The following THUMPD3 variants were observed in gnomAD, a reference collection of about 807,000 sequenced individuals.
THUMPD3 encodes tRNA (guanine(6)-N(2))-methyltransferase THUMP3.
Under a neutral mutation model 54.5 loss-of-function variants are expected in THUMPD3, and 44 were observed. That is an observed-to-expected ratio of 0.81 (90% CI 0.63 to 1.04). The LOEUF (loss-of-function observed/expected upper bound fraction) is 1.04, where lower values mean the gene tolerates loss of function less well. Among genes scored for constraint, THUMPD3 ranks in the 50% least tolerant of loss-of-function variants. The probability of loss-of-function intolerance (pLI) is 0.00; values close to 1 mark genes in which losing one functional copy is unlikely to be tolerated. For synonymous variants in THUMPD3, 196 were observed against 201.4 expected, an observed-to-expected ratio of 0.97 and a Z score of 0.23; for missense variants, 604 against 601.3, an observed-to-expected ratio of 1.00 and a Z score of -0.05.
intron 3 of THUMPD3, among the ~76,000 whole-genome samples, chr3:9,370,050 T>C (rs1327115027): frequency 6.6e-6 from 1 of 152,232 alleles, no homozygotes; most frequent in East Asian, 1.9e-4. Flanking sequence ...AATTGGCATA[T>C]TTATACTTTT....
At chr3:9,367,509 G>A (rs1357055682) in intron 3 of THUMPD3, among the ~76,000 whole-genome samples, 1 of 152,302 alleles carries the variant, frequency 6.6e-6, no homozygotes, top group East Asian at 1.9e-4. Context: ...TAAGCTGAAG[G>A]TTGAAAATAG....
At chr3:9,375,152 C>T (rs1388074606) in intron 5 of THUMPD3, among the ~76,000 whole-genome samples, 3 of 152,152 alleles carry the variant, frequency 2.0e-5, no homozygotes, top group Non-Finnish European at 1.5e-5. Context: ...CCACCGCGCC[C>T]GGTTTTCTTG....
chr3:9,372,434 G>A (rs6443236), intron 4 of THUMPD3, among the ~76,000 whole-genome samples: 3,155 of 151,982 alleles, frequency 0.021, 115 homozygotes, highest in African/African-American at 0.07. Flanking sequence ...ACAAAAATTG[G>A]CCCGTCATGA....
intron 6 of THUMPD3, among the ~76,000 whole-genome samples, chr3:9,378,233 G>A (rs564767389): frequency 1.3e-5 from 2 of 152,196 alleles, no homozygotes; most frequent in African/African-American, 2.4e-5. Context: ...CTGGAGGAAG[G>A]CAATTTTCTT....
Position 9,365,250 on chromosome 3 carries a change from G to A in THUMPD3, c.182G>A (p.Gly61Glu). The A allele has an allele frequency of 1.9e-6, 3 of 1,614,106 alleles. No individual in the cohort carries two copies. Among genetic ancestry groups the A allele is most frequent in the Non-Finnish European group, 2.5e-6 (3 of 1,180,034 alleles). The change falls in exon 2 of 10, where the codon GGG becomes GAG. Residue 61 changes from glycine (G) to glutamate (E), a missense_variant. Transcript: ENST00000452837. ...GCAGATGAAGTCAGAGAGAAACTTG[G>A]GTCATCATGCAAAATCAGCAGAGAC... ...TAADEVREKL[G>E]SSCKISRDRG... is the part of the protein sequence containing the mutation.
At chr3:9,382,916 G>C in intron 7 of THUMPD3, 1 of 250,728 alleles carries the variant, frequency 4.0e-6, no homozygotes, top group Non-Finnish European at 7.9e-6. Flanking sequence ...GTATTTTAGA[G>C]ACAAGGTCTC....
chr3:9,369,432 T>C (rs1242616268), intron 3 of THUMPD3, among the ~76,000 whole-genome samples: 4 of 152,120 alleles, frequency 2.6e-5, no homozygotes, highest in African/African-American at 4.8e-5. Context: ...TAATTTTATA[T>C]GATTTTTAAA....
intron 5 of THUMPD3, 81 bp from the exon 6 acceptor site, chr3:9,377,738 A>G (rs2032574563): frequency 2.6e-6 from 3 of 1,142,612 alleles, no homozygotes; most frequent in Non-Finnish European, 2.6e-6. Flanking sequence ...TAGGTCCTCA[A>G]TCTTAAAGCT....
rs751369533 is a variant in THUMPD3 at position 9,384,486 on chromosome 3, T to C, written c.1360-38T>C. The C allele has an allele frequency of 1.2e-5, 19 of 1,612,154 alleles. No individual in the cohort carries two copies. The Admixed American group carries it at 2.7e-4, about 23-fold the overall frequency. ...GAATCCTAGTTGATGTAAAAGTAGATTGTCAACCTAATTGTTATTTTTTTT... is the reference window on the plus strand; with the variant it reads ...GAATCCTAGTTGATGTAAAAGTAGACTGTCAACCTAATTGTTATTTTTTTT... On this transcript the variant is annotated intron_variant, in intron 9 of 9. Transcript: ENST00000452837.
At chr3:9,368,101 T>C (rs1257900328) in intron 3 of THUMPD3, among the ~76,000 whole-genome samples, 1 of 152,000 alleles carries the variant, frequency 6.6e-6, no homozygotes, top group Non-Finnish European at 1.5e-5. Context: ...ATAAAAATTG[T>C]ATTAAGTAAA....
chr3:9,364,427 A>G (rs1000985847), intron 1 of THUMPD3, among the ~76,000 whole-genome samples: 1 of 151,582 alleles, frequency 6.6e-6, no homozygotes, highest in Admixed American at 6.6e-5. Flanking sequence ...GCTCACTGCA[A>G]TCTCCACCTC....
chr3:9,378,229 G>A (rs1452992764), intron 6 of THUMPD3, among the ~76,000 whole-genome samples: 1 of 152,218 alleles, frequency 6.6e-6, no homozygotes, highest in Non-Finnish European at 1.5e-5. Flanking sequence ...TAAACTGGAG[G>A]AAGGCAATTT....
At chr3:9,377,066 GAAGGA>G (rs944829491) in intron 5 of THUMPD3, among the ~76,000 whole-genome samples, 3 of 152,006 alleles carry the variant, frequency 2.0e-5, no homozygotes, top group Admixed American at 2.0e-4. Flanking sequence ...TTTAAATTCA[GAAGGA>G]AAGGAATACT....
chr3:9,365,447 A>T (rs2031478344), intron 2 of THUMPD3, 127 bp downstream of exon 2: 1 of 1,193,260 alleles, frequency 8.4e-7, no homozygotes, highest in Non-Finnish European at 1.2e-6. Context: ...GTGATTTTAA[A>T]GTTACTGCAT....
chr3:9,370,233 C>T (rs1245901367), intron 3 of THUMPD3, among the ~76,000 whole-genome samples: 1 of 152,180 alleles, frequency 6.6e-6, no homozygotes, highest in Non-Finnish European at 1.5e-5. Context: ...GCTTTATAAT[C>T]ACAATCCCTA....
rs1372629161 is a variant in THUMPD3 at position 9,384,885 on chromosome 3, A to C, written c.*197A>C. The C allele has an allele frequency of 5.0e-6, 3 of 604,754 alleles. No individual in the cohort carries two copies. The highest frequency in any genetic ancestry group is 1.9e-5 in the African/African-American group (1 of 53,880). The allele number at this position is 604,754 out of a possible 1,614,324, so 37.5% of individuals were successfully genotyped here. On this transcript the variant is annotated 3_prime_UTR_variant, in exon 10 of 10. Coordinates refer to ENST00000452837, the MANE Select transcript of THUMPD3 (RefSeq NM_001114092.2). ...ATGAGACCAGGCACAGTGGCTCACG[A>C]CTGTAATTCCAGCAGTTTAGGAAGC...
Position 9,384,578 on chromosome 3 carries a change from G to A in THUMPD3, c.1414G>A (p.Val472Ile), listed in dbSNP as rs376730381. ...AAAGGTGGATACAGTCTGGGTGAAC[G>A]TTGGTGGTCTTCGTGCTGCAGTTTA... ...WRKVDTVWVN[V>I]GGLRAAVYVL... Residue 472 changes from valine (V) to isoleucine (I), a missense_variant, in exon 10 of 10, where the codon GTT becomes ATT. By Grantham distance (29) the Val-to-Ile change is conservative. Coordinates refer to ENST00000452837, the MANE Select transcript of THUMPD3 (RefSeq NM_001114092.2). 21 of 1,614,056 alleles carry A rather than the reference G, an allele frequency of 1.3e-5. No homozygotes were observed. Among genetic ancestry groups the A allele is most frequent in the Non-Finnish European group, 1.7e-5 (20 of 1,180,030 alleles).
Sources: allele counts gnomAD v4.1 joint callset (sites outside exome capture counted in the v4.1 genomes callset), GRCh38; gene constraint gnomAD v4.1.1; transcripts MANE v1.5; gene names NCBI Gene and HGNC (gene_info 2026-07-23, HGNC 2026-07-21).